OAS3: variants seen among roughly 807,000 people sequenced by gnomAD.
OAS3 encodes 2'-5'-oligoadenylate synthase 3.
In OAS3, 107 loss-of-function variants were observed where a neutral mutation model predicts 113.0. The ratio of observed to expected loss-of-function variants is 0.95; its 90% CI spans 0.81 to 1.11. The LOEUF (loss-of-function observed/expected upper bound fraction) is 1.11. Ranked by LOEUF, OAS3 falls within the 50% of genes most tolerant of loss-of-function variation. The pLI is 0.00. For missense variants in OAS3, 1,258 were observed against 1,389.1 expected, an observed-to-expected ratio of 0.91 and a Z score of 1.50; for synonymous variants, 552 against 573.6, an observed-to-expected ratio of 0.96 and a Z score of 0.54.
intron 7 of OAS3, among the ~76,000 whole-genome samples, chr12:112,957,591 A>G (rs186270191): frequency 3.0e-3 from 461 of 152,280 alleles, no homozygotes; most frequent in African/African-American, 0.011. Flanking sequence ...TCCTTCACTT[A>G]TGAAGCTTAG....
intron 1 of OAS3, among the ~76,000 whole-genome samples, chr12:112,940,385 C>G (rs751187516): frequency 5.9e-5 from 9 of 152,170 alleles, no homozygotes; most frequent in Non-Finnish European, 1.2e-4. Context: ...GGCTGTGTAA[C>G]TCATTTCACC....
chr12:112,970,089 C>T lies in OAS3; in HGVS notation c.*116C>T. Reference sequence around the variant, plus strand: ...GAGATTGTGTACATGTGTGTGTGAGCACATGTGTGCATGTGTGTGCACACG... The same window carrying T: ...GAGATTGTGTACATGTGTGTGTGAGTACATGTGTGCATGTGTGTGCACACG... On this transcript the variant is annotated 3_prime_UTR_variant, in exon 16 of 16. Transcript: ENST00000228928. 1 of 1,217,354 alleles carries T rather than the reference C, an allele frequency of 8.2e-7. No homozygotes were observed. Among genetic ancestry groups the T allele is most frequent in the Non-Finnish European group, 1.2e-6 (1 of 841,564 alleles). 75.4% of individuals were successfully genotyped at this position (1,217,354 alleles called of 1,614,324 possible). A position where few individuals can be genotyped will look rare whatever the true frequency, so the allele number is the denominator to read the frequency against.
In OAS3 at chr12:112,942,184, G is replaced by T. The variant is rs562758048; in HGVS notation, c.460+332G>T. ...GCTAAGCCAAGTGGACATGTGGCTA[G>T]CAGTAGGGGCCTGGGGACGAAACCA... is the stretch of plus-strand genomic sequence containing the variant. On this transcript the variant is annotated intron_variant, in intron 2 of 15. Transcript: ENST00000228928. 290 of 528,922 alleles carry T rather than the reference G, an allele frequency of 5.5e-4. 1 individual carries two copies. In the East Asian group the frequency reaches 8.1e-3, roughly 15 times the overall value. The allele number at this position is 528,922 out of a possible 1,614,324, so 32.8% of individuals were successfully genotyped here.
intron 1 of OAS3, 85 bp from the exon 2 acceptor site, chr12:112,941,485 A>T: frequency 1.4e-6 from 2 of 1,458,210 alleles, no homozygotes; most frequent in South Asian, 2.5e-5. Context: ...TCCCCAGCAC[A>T]CTTGCCTCAC....
intron 1 of OAS3, 58 bp downstream of exon 1, chr12:112,938,765 A>G (rs1471309097): frequency 9.6e-6 from 13 of 1,347,198 alleles, no homozygotes; most frequent in Non-Finnish European, 1.3e-5. Context: ...GAGGACGCTT[A>G]AGCCTCACAT....
At chr12:112,962,036 A>G (rs1424616566) in intron 8 of OAS3, among the ~76,000 whole-genome samples, 1 of 152,164 alleles carries the variant, frequency 6.6e-6, no homozygotes, top group Non-Finnish European at 1.5e-5. Flanking sequence ...GGCTCAAGTA[A>G]TCCACCCACC....
chr12:112,969,065 G>T (rs1372578554), intron 14 of OAS3, among the ~76,000 whole-genome samples: 1 of 152,194 alleles, frequency 6.6e-6, no homozygotes, highest in Non-Finnish European at 1.5e-5. Flanking sequence ...AGTGTCCAAA[G>T]GTTGAGCATC....
At position 112,938,627 on chromosome 12, in the gene OAS3, C is replaced by T. The variant is rs1482109354; in HGVS notation, c.97C>T (p.Leu33=). ...KEFVEKARRA[L]GALAAALRER... ...GTTCGTAGAGAAGGCGCGGCGCGCT[C>T]TGGGCGCCCTGGCCGCTGCCCTGAG... Residue 33 remains leucine (L), a synonymous_variant, in exon 1 of 16, where the codon CTG becomes TTG. Coordinates refer to ENST00000228928, the MANE Select transcript of OAS3 (RefSeq NM_006187.4). 1.9e-6 allele frequency: 3 copies of T among 1,607,226 alleles called. No individual in the cohort carries two copies. The highest frequency in any genetic ancestry group is 1.3e-5 in the African/African-American group (1 of 74,790).
chr12:112,971,832 C>T lies in OAS3; in HGVS notation c.*1859C>T, dbSNP rs1450336791. ...GGGACAGAGGACAGGGCTTCTAATACCTGTGCCATATTGACAGCCTCCATC... is the reference window on the plus strand; with the variant it reads ...GGGACAGAGGACAGGGCTTCTAATATCTGTGCCATATTGACAGCCTCCATC... On this transcript the variant is annotated 3_prime_UTR_variant, in exon 16 of 16. Coordinates refer to ENST00000228928, the MANE Select transcript of OAS3 (RefSeq NM_006187.4). The T allele has an allele frequency of 6.6e-6, 1 of 152,278 alleles. No individual in the cohort carries two copies. Among genetic ancestry groups the T allele is most frequent in the Non-Finnish European group, 1.5e-5 (1 of 68,100 alleles). The allele number at this position is 152,278 out of a possible 1,614,324, so 9.4% of individuals were successfully genotyped here.
intron 7 of OAS3, among the ~76,000 whole-genome samples, chr12:112,952,937 T>A (rs1020891016): frequency 1.3e-5 from 2 of 152,216 alleles, no homozygotes; most frequent in Admixed American, 6.5e-5. Context: ...TCTTGGTTCA[T>A]AGTATCCTTC....
At chr12:112,965,648 G>C (rs2043925938) in intron 11 of OAS3, 96 bp from the exon 12 acceptor site, 1 of 1,155,280 alleles carries the variant, frequency 8.7e-7, no homozygotes, top group Non-Finnish European at 1.2e-6. Flanking sequence ...TAGATGACTT[G>C]TCCAAGGTCA....
At chr12:112,950,553 C>T (rs1049454278) in intron 6 of OAS3, 140 bp from the exon 7 acceptor site, 5 of 950,680 alleles carry the variant, frequency 5.3e-6, no homozygotes, top group South Asian at 1.6e-5. Flanking sequence ...CCCATGCAGT[C>T]GACCTTTGTC....
intron 8 of OAS3, among the ~76,000 whole-genome samples, 158 bp from the exon 9 acceptor site, chr12:112,962,494 A>ACT (rs2043896014): frequency 6.6e-6 from 1 of 152,192 alleles, no homozygotes; most frequent in African/African-American, 2.4e-5. Flanking sequence ...CCCTCCTCTG[A>ACT]ACCTCAGTTT....
intron 12 of OAS3, among the ~76,000 whole-genome samples, chr12:112,967,150 G>T (rs1051379375): frequency 6.6e-6 from 1 of 152,224 alleles, no homozygotes; most frequent in South Asian, 2.1e-4. Context: ...TTAAAGACAG[G>T]CTAGCTCCCA....
intron 12 of OAS3, 30 bp downstream of exon 12, chr12:112,966,059 G>C (rs2043930948): frequency 1.2e-6 from 2 of 1,609,582 alleles, no homozygotes; most frequent in Admixed American, 1.7e-5. Context: ...ACCTGAGAGG[G>C]GGAAATACAG....
At chr12:112,962,437 C>T (rs1174744225) in intron 8 of OAS3, among the ~76,000 whole-genome samples, 1 of 152,210 alleles carries the variant, frequency 6.6e-6, no homozygotes, top group Non-Finnish European at 1.5e-5. Flanking sequence ...AGGCAAAAGC[C>T]ACGTCTGAGC....
chr12:112,952,166 C>A (rs1381473151), intron 7 of OAS3, among the ~76,000 whole-genome samples: 1 of 152,172 alleles, frequency 6.6e-6, no homozygotes, highest in African/African-American at 2.4e-5. Flanking sequence ...TTGTTCCTTG[C>A]AATTCTGTAA....
chr12:112,944,931 G>C (rs549233615), intron 3 of OAS3: 1 of 452,416 alleles, frequency 2.2e-6, no homozygotes, highest in East Asian at 4.6e-5. Flanking sequence ...TTGTTTAAAG[G>C]TTATTTGTAG....
At chr12:112,961,914 G>GC (rs1234625179) in intron 8 of OAS3, among the ~76,000 whole-genome samples, 2 of 151,962 alleles carry the variant, frequency 1.3e-5, no homozygotes. Context: ...TCCTGCCTCA[G>GC]CCCCCGTAGT....
Sources: allele counts gnomAD v4.1 joint callset (sites outside exome capture counted in the v4.1 genomes callset), GRCh38; gene constraint gnomAD v4.1.1; transcripts MANE v1.5; gene names NCBI Gene and HGNC (gene_info 2026-07-23, HGNC 2026-07-21).